The following SYT3 variants were observed in gnomAD, a reference collection of about 807,000 sequenced individuals.
The protein encoded by SYT3 is synaptotagmin 3, also known as synaptotagmin-3.
In SYT3, 25 loss-of-function variants were observed where a neutral mutation model predicts 50.6. That is an observed-to-expected ratio of 0.49 (90% CI 0.36 to 0.69). SYT3 has a LOEUF of 0.69. SYT3 is among the 30% of genes least tolerant of loss of function. The probability of loss-of-function intolerance (pLI) is 0.00; values close to 1 mark genes in which losing one functional copy is unlikely to be tolerated. For missense variants in SYT3, 589 were observed against 793.6 expected (o/e 0.74, Z 3.10); for synonymous variants, 323 against 353.9 (o/e 0.91, Z 0.98).
At chr19:50,645,657 T>C in the SYT3 span, among the ~76,000 whole-genome samples, 68 of 152,246 alleles carry the variant, frequency 4.5e-4, no homozygotes, top group African/African-American at 1.5e-3. Flanking sequence ...GGCAGGCAGA[T>C]AGCTTGAGCT....
the SYT3 span, chr19:50,649,346 G>T: frequency 8.6e-7 from 1 of 1,163,408 alleles, no homozygotes; most frequent in Non-Finnish European, 1.2e-6. Context: ...CAAAGAGGAG[G>T]TAGAGGAGGC....
rs544558361 is a variant in SYT3 at position 50,636,311 on chromosome 19, T to A, written c.148+953A>T. ...CAGTTTCCTGAGTTCTGTGAGTCAA[T>A]GATTCTAGCAAATCATTGAACCTGA... On this transcript the variant is annotated intron_variant, in intron 3 of 10. Coordinates refer to ENST00000600079, the MANE Select transcript of SYT3 (RefSeq NM_001160329.2). Among the ~76,000 whole-genome samples the A allele has an allele frequency of 3.3e-5, 5 of 152,308 alleles. No homozygotes were observed. In the South Asian group the frequency reaches 1.0e-3, roughly 32 times the overall value.
At chr19:50,649,119 G>T in the SYT3 span, among the ~76,000 whole-genome samples, 1 of 149,812 alleles carries the variant, frequency 6.7e-6, no homozygotes, top group Non-Finnish European at 1.5e-5. Context: ...CAGAGGGGAG[G>T]AGGCAGGGGG....
the SYT3 span, chr19:50,658,040 T>TTC: frequency 6.5e-7 from 1 of 1,535,920 alleles, no homozygotes; most frequent in South Asian, 1.2e-5. Context: ...GGAGGCCCAG[T>TTC]TACCAGGGGC....
At chr19:50,655,927 C>A in the SYT3 span, 1 of 927,650 alleles carries the variant, frequency 1.1e-6, no homozygotes, top group Non-Finnish European at 1.7e-6. Flanking sequence ...GAGACAGTAA[C>A]TCAACATCTG....
chr19:50,649,679 C>A, the SYT3 span: 2 of 765,522 alleles, frequency 2.6e-6, no homozygotes, highest in South Asian at 1.5e-5. Flanking sequence ...CCCCTTGGAC[C>A]TCAAACTACA....
chr19:50,635,738 C>A (rs1306549260), intron 3 of SYT3, among the ~76,000 whole-genome samples: 1 of 152,182 alleles, frequency 6.6e-6, no homozygotes, highest in Non-Finnish European at 1.5e-5. Flanking sequence ...CCAATAAAAA[C>A]CCTGCCCACC....
At chr19:50,649,568 A>G in the SYT3 span, 1 of 1,514,098 alleles carries the variant, frequency 6.6e-7, no homozygotes, top group African/African-American at 1.4e-5. Context: ...GGCAGTGCGT[A>G]GTAGCCCGGG....
chr19:50,640,563 T>C (rs1414199947), upstream of SYT3, among the ~76,000 whole-genome samples: 2 of 152,190 alleles, frequency 1.3e-5, no homozygotes, highest in African/African-American at 2.4e-5. Context: ...TTGGGTGCAA[T>C]TATGACATTC....
rs1473545206 is a variant in SYT3, at chr19:50,625,952, G to C, written c.1347C>G (p.Thr449=). The change falls in exon 7 of 11, where the codon ACC becomes ACG. Residue 449 remains threonine (T), a synonymous_variant. Coordinates refer to ENST00000600079, the MANE Select transcript of SYT3 (RefSeq NM_001160329.2). The surrounding 1 kb of genome is among the most constrained non-coding windows in gnomAD (Gnocchi z 7.5). ...GGTTAGAGGCTTTGATGATGGTCAC[G>C]GTGAGGCGCCCGGCCGTGGGGAGGT... ...LCYLPTAGRL[T]VTIIKASNLK... 6.2e-6 allele frequency: 10 copies of C among 1,614,156 alleles called. No homozygotes were observed. The highest frequency in any genetic ancestry group is 1.7e-5 in the Admixed American group (1 of 60,026).
intron 9 of SYT3, among the ~76,000 whole-genome samples, chr19:50,623,147 A>C: frequency 6.6e-6 from 1 of 151,590 alleles, no homozygotes; most frequent in Non-Finnish European, 1.5e-5. Context: ...ATTCATGGGC[A>C]GTGTCAGGAC....
At chr19:50,658,047 G>A in the SYT3 span, 2 of 1,536,056 alleles carry the variant, frequency 1.3e-6, no homozygotes, top group Non-Finnish European at 8.7e-7. Context: ...CAGTTACCAG[G>A]GGCCATGGAG....
upstream of SYT3, among the ~76,000 whole-genome samples, chr19:50,644,463 T>A (rs1984730048): frequency 6.6e-6 from 1 of 151,636 alleles, no homozygotes; most frequent in Non-Finnish European, 1.5e-5. Flanking sequence ...GATGAGTGAA[T>A]GGCTGGATGG....
chr19:50,631,295 C>T (rs1984296066), intron 4 of SYT3, among the ~76,000 whole-genome samples: 1 of 151,478 alleles, frequency 6.6e-6, no homozygotes, highest in Non-Finnish European at 1.5e-5. Flanking sequence ...GGATTACAGA[C>T]ACACACAACC....
intron 3 of SYT3, among the ~76,000 whole-genome samples, chr19:50,633,778 A>G (rs939826191): frequency 6.6e-6 from 1 of 152,240 alleles, no homozygotes; most frequent in African/African-American, 2.4e-5. Context: ...GCCAGGCACT[A>G]CATGAGGTTG....
rs770003930 is a variant in SYT3 at position 50,625,237 on chromosome 19, C to T, written c.1632G>A (p.Pro544=). The change falls in exon 9 of 11, where the codon CCG becomes CCA. Residue 544 remains proline, a synonymous_variant. Transcript: ENST00000600079. This position sits in a 1 kb window ranked among gnomAD's most constrained non-coding sequence, Gnocchi z 7.5. ...TCTCTGCCCAGTGCTCGCGGCCGTG[C>T]GGGTCGGCAGCGTCGGGGCCCACAC... ...VCRVGPDAAD[P]HGREHWAEML... 59 of 1,580,274 alleles carry T rather than the reference C, an allele frequency of 3.7e-5. No homozygotes were observed. The highest frequency in any genetic ancestry group is 4.6e-5 in the South Asian group (4 of 87,420).
chr19:50,653,220 G>T, the SYT3 span, among the ~76,000 whole-genome samples: 1 of 151,986 alleles, frequency 6.6e-6, no homozygotes, highest in Non-Finnish European at 1.5e-5. Context: ...TGTATTTTTA[G>T]TAGAGATGGG....
the SYT3 span, among the ~76,000 whole-genome samples, chr19:50,654,089 ATGT>A: frequency 6.6e-6 from 1 of 151,980 alleles, no homozygotes; most frequent in Non-Finnish European, 1.5e-5. Flanking sequence ...GCCTTGCTTG[ATGT>A]TGGTGTTACG....
At chr19:50,633,452 A>C (rs1027819719) in intron 3 of SYT3, among the ~76,000 whole-genome samples, 3 of 152,198 alleles carry the variant, frequency 2.0e-5, no homozygotes, top group African/African-American at 7.2e-5. Context: ...TCTATAATAG[A>C]ACACAACATG....
Sources: allele counts gnomAD v4.1 joint callset (sites outside exome capture counted in the v4.1 genomes callset), GRCh38; gene constraint gnomAD v4.1.1; non-coding constraint Gnocchi (gnomAD v3.1); transcripts MANE v1.5; gene names NCBI Gene and HGNC (gene_info 2026-07-23, HGNC 2026-07-21).